PCNX2: variants seen among roughly 807,000 people sequenced by gnomAD.
PCNX2 encodes pecanex-like protein 2.
A neutral mutation model predicts 223.8 loss-of-function variants in PCNX2; 168 were observed. That is an observed-to-expected ratio of 0.75 (90% CI 0.66 to 0.85). The LOEUF (loss-of-function observed/expected upper bound fraction) is 0.85. PCNX2 is among the 40% of genes least tolerant of loss of function. The pLI, the probability that PCNX2 is intolerant of heterozygous loss-of-function variation, is 0.00. For missense variants in PCNX2, 2,507 were observed against 2,675.5 expected, an observed-to-expected ratio of 0.94 and a Z score of 1.39; for synonymous variants, 1,006 against 1,052.6, an observed-to-expected ratio of 0.96 and a Z score of 0.86.
At chr1:233,131,069 C>T (rs1676476192) in intron 21 of PCNX2, among the ~76,000 whole-genome samples, 2 of 152,176 alleles carry the variant, frequency 1.3e-5, no homozygotes. Flanking sequence ...TTGGGCAGCT[C>T]CTTTCTTCCG....
At chr1:233,025,025 G>A in intron 26 of PCNX2, 121 bp downstream of exon 26, 1 of 1,351,118 alleles carries the variant, frequency 7.4e-7, no homozygotes, top group Non-Finnish European at 1.0e-6. Context: ...AGATGGCTGG[G>A]TTTCCAATTC....
chr1:233,160,176 A>T, intron 19 of PCNX2, 107 bp downstream of exon 19: 1 of 1,243,512 alleles, frequency 8.0e-7, no homozygotes, highest in East Asian at 2.4e-5. Context: ...TTTCAAGTGT[A>T]CAGTTCTGTG....
rs564727448 is a variant in PCNX2, at chr1:233,258,761, T to C, written c.1101A>G (p.Pro367=). ...TLIDTSQPGD[P]LSLHEPIKIV... ...TTTTTATGGGCTCATGTAGACTCAG[T>C]GGGTCTCCGGGTTGAGAAGTATCGA... The change falls in exon 5 of 34, where the codon CCA becomes CCG. Residue 367 remains proline (P), a synonymous_variant. Coordinates refer to ENST00000258229, the MANE Select transcript of PCNX2 (RefSeq NM_014801.4). 2 of 1,613,866 alleles carry C rather than the reference T, an allele frequency of 1.2e-6. No homozygotes were observed. The highest frequency in any genetic ancestry group is 2.2e-5 in the South Asian group (2 of 91,072).
intron 25 of PCNX2, among the ~76,000 whole-genome samples, chr1:233,027,653 G>A (rs189466811): frequency 2.0e-5 from 3 of 152,192 alleles, no homozygotes; most frequent in African/African-American, 4.8e-5. Flanking sequence ...GGTCACTAAC[G>A]TTTTTCTGTA....
At chr1:233,250,156 C>A (rs1659368345) in intron 8 of PCNX2, among the ~76,000 whole-genome samples, 1 of 152,164 alleles carries the variant, frequency 6.6e-6, no homozygotes, top group African/African-American at 2.4e-5. Context: ...TCTTGAAGCC[C>A]AGGATGAAGG....
intron 13 of PCNX2, among the ~76,000 whole-genome samples, chr1:233,201,110 T>TAAA (rs201019503): frequency 1.4e-4 from 16 of 110,390 alleles, no homozygotes; most frequent in African/African-American, 3.9e-4. Flanking sequence ...CTTAAAGTAT[T>TAAA]AAAAAAAAAA....
At chr1:233,232,987 G>C in intron 9 of PCNX2, 1 of 985,384 alleles carries the variant, frequency 1.0e-6, no homozygotes, top group East Asian at 1.1e-4. Context: ...ATGAGTTGGA[G>C]ACCATATCCA....
the PCNX2 span, among the ~76,000 whole-genome samples, chr1:233,326,048 C>T: frequency 6.6e-6 from 1 of 152,218 alleles, no homozygotes; most frequent in Non-Finnish European, 1.5e-5. Context: ...AGACCTCTGC[C>T]AGCTAAAAGA....
intron 21 of PCNX2, among the ~76,000 whole-genome samples, chr1:233,103,383 C>G (rs551033503): frequency 1.8e-3 from 276 of 152,066 alleles, no homozygotes; most frequent in Non-Finnish European, 3.1e-3. Context: ...TTCACTTTTT[C>G]TATTTTTTTT....
chr1:233,061,041 A>G (rs1672388607), intron 23 of PCNX2, among the ~76,000 whole-genome samples: 1 of 152,202 alleles, frequency 6.6e-6, no homozygotes, highest in Admixed American at 6.5e-5. Flanking sequence ...GTAATTTTCT[A>G]TATTGATAAT....
chr1:233,216,249 C>T (rs1444682795), intron 12 of PCNX2, among the ~76,000 whole-genome samples: 1 of 152,178 alleles, frequency 6.6e-6, no homozygotes, highest in African/African-American at 2.4e-5. Context: ...ACCCCGTAGG[C>T]CACCATGGAT....
chr1:233,132,297 T>C (rs1676551601), intron 21 of PCNX2, among the ~76,000 whole-genome samples: 1 of 152,016 alleles, frequency 6.6e-6, no homozygotes, highest in African/African-American at 2.4e-5. Context: ...ATCCTCCCCA[T>C]TCTACACAGG....
intron 13 of PCNX2, among the ~76,000 whole-genome samples, chr1:233,208,112 T>C (rs1261091375): frequency 1.3e-5 from 2 of 152,240 alleles, no homozygotes; most frequent in Non-Finnish European, 2.9e-5. Flanking sequence ...TGCGCCAACA[T>C]GCCTGGCTAA....
chr1:233,092,981 A>G (rs1321931211), intron 22 of PCNX2, among the ~76,000 whole-genome samples: 2 of 152,006 alleles, frequency 1.3e-5, no homozygotes, highest in African/African-American at 2.4e-5. Context: ...TTGTATTTTT[A>G]GTAGAGACGG....
At chr1:233,042,157 AT>A (rs1671666052) in intron 25 of PCNX2, among the ~76,000 whole-genome samples, 1 of 151,988 alleles carries the variant, frequency 6.6e-6, no homozygotes, top group African/African-American at 2.4e-5. Context: ...CAACTTGTAT[AT>A]TTCCCTACGC....
In PCNX2 at chr1:233,261,330, A is replaced by T. The variant is rs1031752394; in HGVS notation, c.481-9T>A. The T allele has an allele frequency of 1.2e-6, 2 of 1,612,274 alleles. No homozygotes were observed. The highest frequency in any genetic ancestry group is 1.7e-6 in the Non-Finnish European group (2 of 1,178,736). ...TCCTGTGCTGACAACTCCTACACAA[A>T]TGAAAGAAACAAAAATCAATAGATG... On this transcript the variant is annotated splice_polypyrimidine_tract_variant and intron_variant, in intron 3 of 33. Transcript: ENST00000258229.
chr1:233,035,692 G>C (rs1671430876), intron 25 of PCNX2, among the ~76,000 whole-genome samples: 1 of 152,190 alleles, frequency 6.6e-6, no homozygotes, highest in Admixed American at 6.5e-5. Flanking sequence ...ACATATGTTG[G>C]ATTATTAGAA....
At chr1:233,082,478 G>A (rs572546766) in intron 23 of PCNX2, among the ~76,000 whole-genome samples, 3 of 152,264 alleles carry the variant, frequency 2.0e-5, no homozygotes, top group South Asian at 4.1e-4. Flanking sequence ...AATGTGTTGC[G>A]TTCCTTGTCA....
At chr1:233,214,415 A>G (rs1481804119) in intron 12 of PCNX2, among the ~76,000 whole-genome samples, 2 of 152,156 alleles carry the variant, frequency 1.3e-5, no homozygotes, top group Non-Finnish European at 2.9e-5. Context: ...GGTTACTCCA[A>G]TATTTCTCAA....
Sources: gnomAD v4.1 joint callset for allele counts (sites outside exome capture counted in the v4.1 genomes callset) on GRCh38, gnomAD v4.1.1 for gene constraint, MANE v1.5 for transcripts, NCBI Gene and HGNC (gene_info 2026-07-23, HGNC 2026-07-21) for gene names.